Variants in PRRX1 observed in about 807,000 individuals in gnomAD.
PRRX1 encodes paired mesoderm homeobox protein 1.
A neutral mutation model predicts 24.0 loss-of-function variants in PRRX1; 8 were observed. That is an observed-to-expected ratio of 0.33 (90% CI 0.20 to 0.60). PRRX1 has a LOEUF of 0.60. Among genes scored for constraint, PRRX1 ranks in the 20% least tolerant of loss-of-function variants. The probability of loss-of-function intolerance (pLI) is 0.82; values close to 1 mark genes in which losing one functional copy is unlikely to be tolerated. For synonymous variants in PRRX1, 160 were observed against 131.7 expected (o/e 1.22, Z -1.47); for missense variants, 281 against 322.4 (o/e 0.87, Z 0.98).
At chr1:170,689,548 G>C (rs532545193) in intron 1 of PRRX1, among the ~76,000 whole-genome samples, 1 of 152,268 alleles carries the variant, frequency 6.6e-6, no homozygotes, top group South Asian at 2.1e-4. Flanking sequence ...AGGAAGATTT[G>C]TGTGTTTAAT....
chr1:170,704,436 ACACACTCCAAAT>A (rs1654494641), intron 1 of PRRX1, among the ~76,000 whole-genome samples: 1 of 152,208 alleles, frequency 6.6e-6, no homozygotes, highest in Non-Finnish European at 1.5e-5. Context: ...ACCACAAAAA[ACACACTCCAAAT>A]ATTCATCATA....
chr1:170,671,455 G>A (rs902138686), intron 1 of PRRX1, among the ~76,000 whole-genome samples: 1 of 152,224 alleles, frequency 6.6e-6, no homozygotes, highest in African/African-American at 2.4e-5. Context: ...AGCGACGCCA[G>A]GCGCTGCTTT....
chr1:170,663,311 T>A (rs1053414649), upstream of PRRX1: 2 of 152,044 alleles, frequency 1.3e-5, no homozygotes, highest in African/African-American at 4.8e-5. Flanking sequence ...GGTCTCCAAT[T>A]TTCTTGTATT....
chr1:170,706,282 A>G (rs1654565580), intron 1 of PRRX1, among the ~76,000 whole-genome samples: 1 of 152,222 alleles, frequency 6.6e-6, no homozygotes, highest in Non-Finnish European at 1.5e-5. Flanking sequence ...TTAAATTTAT[A>G]GATTCCAAAA....
At chr1:170,731,252 C>T (rs1014002557) in intron 3 of PRRX1, among the ~76,000 whole-genome samples, 2 of 152,164 alleles carry the variant, frequency 1.3e-5, no homozygotes, top group South Asian at 2.1e-4. Flanking sequence ...AGAACAAACC[C>T]GAGACTTTCT....
Position 170,736,319 on chromosome 1 carries a change from T to C in PRRX1, c.*133T>C. 7.8e-7 allele frequency: 1 copy of C among 1,276,590 alleles called. No homozygotes were observed. Among genetic ancestry groups the C allele is most frequent in the Non-Finnish European group, 1.1e-6 (1 of 910,036 alleles). The allele number at this position is 1,276,590 out of a possible 1,614,324, so 79.1% of individuals were successfully genotyped here. Reference sequence around the variant, plus strand: ...AACAAACAAAGCAGAACTAAAATATTGGGACCATGGCAGAGAAAAGCAGGA... The same window carrying C: ...AACAAACAAAGCAGAACTAAAATATCGGGACCATGGCAGAGAAAAGCAGGA... On this transcript the variant is annotated 3_prime_UTR_variant, in exon 4 of 4. Transcript: ENST00000239461.
intron 1 of PRRX1, among the ~76,000 whole-genome samples, chr1:170,666,122 C>T (rs1652918946): frequency 6.6e-6 from 1 of 152,206 alleles, no homozygotes; most frequent in South Asian, 2.1e-4. Flanking sequence ...AAATGAAAAA[C>T]GAAAAATGTA....
intron 1 of PRRX1, among the ~76,000 whole-genome samples, chr1:170,692,399 A>C (rs1481367461): frequency 6.6e-6 from 1 of 152,072 alleles, no homozygotes; most frequent in African/African-American, 2.4e-5. Flanking sequence ...GCCTGTCGGG[A>C]TATCTTTCCT....
chr1:170,669,424 G>GCAAAAAAAAAAAAA (rs1653063858), intron 1 of PRRX1: 1 of 4,970 alleles, frequency 2.0e-4, no homozygotes, highest in Non-Finnish European at 2.9e-4. Flanking sequence ...GCTCCCCACT[G>GCAAAAAAAAAAAAA]CAAAAAAAAA....
At chr1:170,730,879 A>G (rs998765251) in intron 3 of PRRX1, among the ~76,000 whole-genome samples, 1 of 152,178 alleles carries the variant, frequency 6.6e-6, no homozygotes, top group Non-Finnish European at 1.5e-5. Context: ...ATCGATAAGC[A>G]GTGTGCGCTT....
intron 1 of PRRX1, among the ~76,000 whole-genome samples, chr1:170,701,098 T>C (rs917943046): frequency 3.3e-5 from 5 of 152,232 alleles, no homozygotes; most frequent in East Asian, 1.9e-4. Context: ...ATTTTTCCAC[T>C]GGTCAAAATG....
At chr1:170,711,268 C>G (rs768603720) in intron 1 of PRRX1, among the ~76,000 whole-genome samples, 2 of 152,090 alleles carry the variant, frequency 1.3e-5, no homozygotes, top group African/African-American at 4.8e-5. Flanking sequence ...ACAGAATTAC[C>G]TTTGGTTCTA....
chr1:170,719,750 A>G lies in PRRX1; in HGVS notation c.266A>G (p.Lys89Arg), dbSNP rs1558060166. 1.9e-6 allele frequency: 3 copies of G among 1,614,196 alleles called. No individual in the cohort carries two copies. Among genetic ancestry groups the G allele is most frequent in the Non-Finnish European group, 2.5e-6 (3 of 1,180,034 alleles). The change falls in exon 2 of 4, where the codon AAA becomes AGA. Residue 89 changes from lysine to arginine, a missense_variant. Physicochemically the swap from Lys to Arg is conservative, Grantham distance 26. Transcript: ENST00000239461. ...GATGACCAGCTGAACTCAGAAGAAAAAAAGAAGAGAAAGCAGCGAAGGAAT... is the reference window on the plus strand; with the variant it reads ...GATGACCAGCTGAACTCAGAAGAAAGAAAGAAGAGAAAGCAGCGAAGGAAT... ...QDNDQLNSEE[K>R]KKRKQRRNRT...
chr1:170,677,012 T>C (rs1392515972), intron 1 of PRRX1, among the ~76,000 whole-genome samples: 3 of 152,204 alleles, frequency 2.0e-5, no homozygotes, highest in African/African-American at 4.8e-5. Context: ...TGAGTTGTCA[T>C]ACTATAAGGG....
Position 170,664,382 on chromosome 1 carries a change from A to C in PRRX1, c.164A>C (p.Glu55Ala), listed in dbSNP as rs1652839389. 1 of 1,613,530 alleles carries C rather than the reference A, an allele frequency of 6.2e-7. No individual in the cohort carries two copies. The highest frequency in any genetic ancestry group is 1.3e-5 in the African/African-American group (1 of 74,918). ...GACATGGTGGCGGCACAGGCGGATG[A>C]GAACGTGGGCGAGGCTGGCCGGAGC... ...AGDMVAAQAD[E>A]NVGEAGRSLL... The change falls in exon 1 of 4, where the codon GAG becomes GCG. Residue 55 changes from glutamate to alanine, a missense_variant. Transcript: ENST00000239461.
intron 1 of PRRX1, among the ~76,000 whole-genome samples, chr1:170,677,370 T>C (rs1212859137): frequency 2.6e-5 from 4 of 152,228 alleles, no homozygotes; most frequent in Non-Finnish European, 5.9e-5. Context: ...TGCTTTATTA[T>C]AAATTGTTAT....
chr1:170,703,665 G>T (rs1301802240), intron 1 of PRRX1, among the ~76,000 whole-genome samples: 2 of 150,200 alleles, frequency 1.3e-5, no homozygotes, highest in African/African-American at 2.5e-5. Context: ...ACTTTCCATT[G>T]GTATTTTACA....
chr1:170,671,553 G>T lies in PRRX1; in HGVS notation c.241+7094G>T, dbSNP rs1240092706. ...AGGGGGCGCGCTCCTCCCAGGCTGC[G>T]CTGGTACCTATCCTGCCTTCAAAAA... On this transcript the variant is annotated intron_variant, in intron 1 of 3. Transcript: ENST00000239461. Among the ~76,000 whole-genome samples the T allele has an allele frequency of 9.8e-5, 15 of 152,356 alleles. No individual in the cohort carries two copies. In the South Asian group the frequency reaches 3.1e-3, roughly 32 times the overall value.
chr1:170,701,802 A>G (rs1161271673), intron 1 of PRRX1, among the ~76,000 whole-genome samples: 1 of 152,218 alleles, frequency 6.6e-6, no homozygotes, highest in African/African-American at 2.4e-5. Flanking sequence ...TGTCATGATC[A>G]AATCAGAGTA....
Sources: allele counts gnomAD v4.1 joint callset (sites outside exome capture counted in the v4.1 genomes callset), GRCh38; gene constraint gnomAD v4.1.1; transcripts MANE v1.5; gene names NCBI Gene and HGNC (gene_info 2026-07-23, HGNC 2026-07-21).